The following SLF1 variants were observed in gnomAD, a reference collection of about 807,000 sequenced individuals.
SLF1 encodes SMC5-SMC6 complex localization factor protein 1.
In SLF1, 105 loss-of-function variants were observed where a neutral mutation model predicts 123.0. That is an observed-to-expected ratio of 0.85 (90% CI 0.73 to 1.00). The LOEUF (loss-of-function observed/expected upper bound fraction) is 1.00, where lower values mean the gene tolerates loss of function less well. SLF1 is among the 50% of genes least tolerant of loss of function. SLF1 has a pLI of 0.00. For missense variants in SLF1, 1,239 were observed against 1,223.0 expected (o/e 1.01, Z -0.20); for synonymous variants, 434 against 406.6 (o/e 1.07, Z -0.81).
At chr5:94,626,937 C>T (rs1343408672) in intron 1 of SLF1, among the ~76,000 whole-genome samples, 1 of 152,174 alleles carries the variant, frequency 6.6e-6, no homozygotes, top group Non-Finnish European at 1.5e-5. Flanking sequence ...TGAACTTCTC[C>T]TCTTCAAAAC....
At chr5:94,688,029 T>C (rs1357170904) in intron 16 of SLF1, among the ~76,000 whole-genome samples, 2 of 126,546 alleles carry the variant, frequency 1.6e-5, no homozygotes, top group East Asian at 3.0e-4. Context: ...TATCTATCTT[T>C]AGATATTAAT....
rs538761988 is a variant in SLF1, at chr5:94,660,421, G to A, written c.1156-1877G>A. ...TGGTTGCACAGGCACCAGGAGTGGT[G>A]GACAGGGATGGGTTGATACCCATTC... On this transcript the variant is annotated intron_variant, in intron 9 of 20. Coordinates refer to ENST00000265140, the MANE Select transcript of SLF1 (RefSeq NM_032290.4). Among the ~76,000 whole-genome samples the A allele has an allele frequency of 3.3e-5, 5 of 152,306 alleles. No individual in the cohort carries two copies. In the East Asian group the frequency reaches 9.7e-4, roughly 30 times the overall value.
At chr5:94,676,514 C>T (rs1273187229) in intron 14 of SLF1, among the ~76,000 whole-genome samples, 1 of 152,202 alleles carries the variant, frequency 6.6e-6, no homozygotes, top group Non-Finnish European at 1.5e-5. Flanking sequence ...TGACAGCCAC[C>T]TGTGAAGACT....
At chr5:94,690,934 G>T (rs1041647935) in intron 18 of SLF1, among the ~76,000 whole-genome samples, 6 of 147,054 alleles carry the variant, frequency 4.1e-5, no homozygotes, top group Non-Finnish European at 7.5e-5. Context: ...GTGTGTGTCT[G>T]TGTGTGTGTG....
At chr5:94,671,924 G>A (rs1585198818) in intron 14 of SLF1, among the ~76,000 whole-genome samples, 1 of 151,382 alleles carries the variant, frequency 6.6e-6, no homozygotes, top group East Asian at 1.9e-4. Flanking sequence ...TGCTTTTTTT[G>A]GTTAGTTTCT....
intron 4 of SLF1, among the ~76,000 whole-genome samples, chr5:94,637,018 C>T (rs2152470332): frequency 6.6e-6 from 1 of 152,278 alleles, no homozygotes; most frequent in South Asian, 2.1e-4. Flanking sequence ...CTATGCCTGG[C>T]CTGAACTTCT....
intron 5 of SLF1, among the ~76,000 whole-genome samples, chr5:94,644,638 G>A (rs964764429): frequency 6.6e-6 from 1 of 152,054 alleles, no homozygotes; most frequent in Non-Finnish European, 1.5e-5. Flanking sequence ...TCACTCTGTG[G>A]GTCTTCCTGC....
intron 14 of SLF1, among the ~76,000 whole-genome samples, chr5:94,673,716 T>A (rs368170211): frequency 7.9e-4 from 100 of 125,946 alleles, no homozygotes; most frequent in Middle Eastern, 4.0e-3. Context: ...AAAAAAAAAA[T>A]TCATCTGAAT....
intron 15 of SLF1, among the ~76,000 whole-genome samples, chr5:94,679,797 G>A (rs752137280): frequency 7.2e-5 from 11 of 152,124 alleles, no homozygotes; most frequent in South Asian, 6.2e-4. Flanking sequence ...AAACATGATA[G>A]CAGAACTCAT....
At chr5:94,646,900 G>A (rs569678521) in intron 5 of SLF1, among the ~76,000 whole-genome samples, 40 of 152,226 alleles carry the variant, frequency 2.6e-4, no homozygotes, top group African/African-American at 8.4e-4. Flanking sequence ...ATTATTATGG[G>A]TCAGGCTATA....
At chr5:94,627,585 C>CATATATATGTAT (rs1317607883) in intron 1 of SLF1, among the ~76,000 whole-genome samples, 3 of 86,824 alleles carry the variant, frequency 3.5e-5, no homozygotes, top group East Asian at 2.5e-4. Context: ...ATGAAATTAA[C>CATATATATGTAT]ATATATATAT....
At chr5:94,665,431 A>G (rs1749632460) in intron 11 of SLF1, among the ~76,000 whole-genome samples, 1 of 151,882 alleles carries the variant, frequency 6.6e-6, no homozygotes, top group Admixed American at 6.6e-5. Context: ...TCCTTTGTCT[A>G]AACACGTATA....
At chr5:94,629,571 C>G (rs1744979802) in intron 3 of SLF1, 1 of 154,282 alleles carries the variant, frequency 6.5e-6, no homozygotes, top group Non-Finnish European at 1.4e-5. Context: ...TATTATGAAG[C>G]AATGGTCATA....
chr5:94,653,275 G>T lies in SLF1; in HGVS notation c.886G>T (p.Glu296Ter). The change falls in exon 8 of 21, where the codon GAA becomes TAA. Residue 296 changes from glutamate (E) to a stop codon, truncating the protein, a stop_gained. Coordinates refer to ENST00000265140, the MANE Select transcript of SLF1 (RefSeq NM_032290.4). LOFTEE classifies it high-confidence loss of function. ...ATTGTGGTCTAAATACATGTAGAAG[G>T]AAATTAAGAAAAAAGATGAAGATAT... ...FGSHTYENQK[E>*]IKKKDEDIQR... The T allele has an allele frequency of 6.6e-7, 1 of 1,520,994 alleles. No individual in the cohort carries two copies. Among genetic ancestry groups the T allele is most frequent in the South Asian group, 1.3e-5 (1 of 78,986 alleles). 94.2% of individuals were successfully genotyped at this position (1,520,994 alleles called of 1,614,324 possible). A position where few individuals can be genotyped will look rare whatever the true frequency, so the allele number is the denominator to read the frequency against.
At chr5:94,621,860 T>C (rs1190512913) in intron 1 of SLF1, among the ~76,000 whole-genome samples, 1 of 150,160 alleles carries the variant, frequency 6.7e-6, no homozygotes, top group Admixed American at 6.7e-5. Flanking sequence ...CACTGGATGC[T>C]TCTGTCAAAT....
intron 9 of SLF1, among the ~76,000 whole-genome samples, chr5:94,659,359 G>T (rs527601792): frequency 6.6e-6 from 1 of 151,866 alleles, no homozygotes; most frequent in Non-Finnish European, 1.5e-5. Flanking sequence ...GGAATCTGTT[G>T]CTGGAGAATT....
chr5:94,658,719 G>A (rs1748721654), intron 9 of SLF1, among the ~76,000 whole-genome samples: 1 of 152,022 alleles, frequency 6.6e-6, no homozygotes, highest in South Asian at 2.1e-4. Context: ...TTTTAAAATA[G>A]GTTTTCTATG....
intron 5 of SLF1, among the ~76,000 whole-genome samples, chr5:94,646,021 C>G (rs1213202118): frequency 6.6e-6 from 1 of 152,118 alleles, no homozygotes; most frequent in Non-Finnish European, 1.5e-5. Flanking sequence ...GAAGCTGAGG[C>G]AGGAGGATCA....
intron 4 of SLF1, among the ~76,000 whole-genome samples, chr5:94,634,469 G>A (rs1432876568): frequency 6.6e-6 from 1 of 152,122 alleles, no homozygotes; most frequent in Non-Finnish European, 1.5e-5. Flanking sequence ...TTAGCATAAT[G>A]TCCTCCAGTT....
Sources: gnomAD v4.1 joint callset for allele counts (sites outside exome capture counted in the v4.1 genomes callset) on GRCh38, gnomAD v4.1.1 for gene constraint, MANE v1.5 for transcripts, NCBI Gene and HGNC (gene_info 2026-07-23, HGNC 2026-07-21) for gene names.